Variants in GOLGA4 observed in about 807,000 individuals in gnomAD.
GOLGA4 encodes golgin subfamily A member 4.
A neutral mutation model predicts 265.9 loss-of-function variants in GOLGA4; 169 were observed. The ratio of observed to expected loss-of-function variants is 0.64; its 90% CI spans 0.56 to 0.72. The LOEUF (loss-of-function observed/expected upper bound fraction) is 0.72. Among genes scored for constraint, GOLGA4 ranks in the 30% least tolerant of loss-of-function variants. The pLI, the probability that GOLGA4 is intolerant of heterozygous loss-of-function variation, is 0.00. For synonymous variants in GOLGA4, 923 were observed against 855.8 expected (o/e 1.08, Z -1.37); for missense variants, 2,482 against 2,483.4 (o/e 1.00, Z 0.01).
chr3:37,316,819 ATAG>A (rs2096938939), intron 11 of GOLGA4, among the ~76,000 whole-genome samples: 1 of 151,322 alleles, frequency 6.6e-6, no homozygotes, highest in South Asian at 2.1e-4. Context: ...TCTTTTCCTT[ATAG>A]ATGGATTTAT....
At chr3:37,277,182 A>G (rs1161928691) in intron 2 of GOLGA4, among the ~76,000 whole-genome samples, 1 of 152,186 alleles carries the variant, frequency 6.6e-6, no homozygotes, top group Non-Finnish European at 1.5e-5. Flanking sequence ...TGCATCTGTA[A>G]CTAACCGTGA....
At chr3:37,283,158 A>C (rs1231221244) in intron 3 of GOLGA4, among the ~76,000 whole-genome samples, 1 of 152,196 alleles carries the variant, frequency 6.6e-6, no homozygotes, top group African/African-American at 2.4e-5. Context: ...ATTTTATCCT[A>C]CAACCAAAAA....
intron 10 of GOLGA4, among the ~76,000 whole-genome samples, chr3:37,304,687 T>C (rs1227102349): frequency 5.3e-5 from 8 of 152,302 alleles, no homozygotes; most frequent in Non-Finnish European, 1.0e-4. Flanking sequence ...TTAATAAATA[T>C]CAAGTTGAAA....
intron 16 of GOLGA4, among the ~76,000 whole-genome samples, chr3:37,330,304 A>C (rs1215168008): frequency 6.6e-6 from 1 of 152,126 alleles, no homozygotes; most frequent in African/African-American, 2.4e-5. Context: ...CATTAGCTTT[A>C]CACATTTTAT....
At position 37,326,151 on chromosome 3, in the gene GOLGA4, A is replaced by G. The variant is rs2096970081; in HGVS notation, c.4265A>G (p.Asp1422Gly). 6.2e-7 allele frequency: 1 copy of G among 1,613,568 alleles called. No individual in the cohort carries two copies. Among genetic ancestry groups the G allele is most frequent in the South Asian group, 1.1e-5 (1 of 91,016 alleles). Residue 1422 changes from aspartate (D) to glycine (G), a missense_variant, in exon 14 of 24, where the codon GAC (aspartate) becomes GGC (glycine). Coordinates refer to ENST00000361924, the MANE Select transcript of GOLGA4 (RefSeq NM_002078.5). ...DQVQDLSFKV[D>G]TLSKEKISAL... is the part of the protein sequence containing the mutation. The stretch of plus-strand genomic sequence containing the variant: ...GTGCAAGATTTATCTTTTAAAGTTG[A>G]CACTCTGAGTAAAGAGAAAATTTCT...
Position 37,326,914 on chromosome 3 carries a change from G to A in GOLGA4, c.5028G>A (p.Glu1676=). Residue 1676 remains glutamate, a synonymous_variant, in exon 14 of 24, where the codon GAG becomes GAA. Coordinates refer to ENST00000361924, the MANE Select transcript of GOLGA4 (RefSeq NM_002078.5). The part of the protein sequence containing the change: ...YKKGTESHLS[E]LNTKLQERER... The stretch of plus-strand genomic sequence containing the variant: ...AAGGTACAGAAAGCCATTTGAGTGA[G>A]CTAAATACAAAATTGCAGGAAAGAG... 1 of 1,613,804 alleles carries A rather than the reference G, an allele frequency of 6.2e-7. No individual in the cohort carries two copies. Among genetic ancestry groups the A allele is most frequent in the Non-Finnish European group, 8.5e-7 (1 of 1,179,736 alleles).
chr3:37,336,723 C>G (rs184777201), intron 17 of GOLGA4, among the ~76,000 whole-genome samples: 326 of 151,280 alleles, frequency 2.2e-3, no homozygotes, highest in African/African-American at 7.6e-3. Context: ...GAGCCGAGAT[C>G]GTGCCATTGC....
At position 37,326,978 on chromosome 3, in the gene GOLGA4, G is replaced by A; in HGVS notation, c.5092G>A (p.Val1698Met). The change falls in exon 14 of 24, where the codon GTG becomes ATG. Residue 1698 changes from valine (V) to methionine (M), a missense_variant. By Grantham distance (21) the Val-to-Met change is conservative. This residue lies in a region of GOLGA4 where 942 missense variants were observed against 983.1 expected (regional missense o/e 0.96). Transcript: ENST00000361924. The part of the protein sequence containing the change: ...VHILEEKLKS[V>M]ESSQSETLIV... ...CATCTTGGAAGAAAAACTTAAGTCA[G>A]TGGAAAGTTCACAGTCAGAAACATT... The A allele has an allele frequency of 6.2e-7, 1 of 1,613,862 alleles. No homozygotes were observed. The highest frequency in any genetic ancestry group is 8.5e-7 in the Non-Finnish European group (1 of 1,179,824).
chr3:37,262,680 A>G (rs1578396338), intron 2 of GOLGA4, among the ~76,000 whole-genome samples: 1 of 152,138 alleles, frequency 6.6e-6, no homozygotes. Context: ...AGGCAGGTGG[A>G]TTGCTAGAGC....
At chr3:37,255,276 C>G (rs1000902716) in intron 2 of GOLGA4, among the ~76,000 whole-genome samples, 1 of 152,108 alleles carries the variant, frequency 6.6e-6, no homozygotes, top group Non-Finnish European at 1.5e-5. Flanking sequence ...TTCTCCCTGC[C>G]TCAACCTCCC....
chr3:37,301,083 C>T (rs1042233948), intron 9 of GOLGA4, among the ~76,000 whole-genome samples: 6 of 152,168 alleles, frequency 3.9e-5, no homozygotes, highest in African/African-American at 1.4e-4. Context: ...CTGGAAGAGT[C>T]ATATTCTAAA....
intron 21 of GOLGA4, among the ~76,000 whole-genome samples, chr3:37,354,193 G>A (rs1326428208): frequency 6.6e-6 from 1 of 151,904 alleles, no homozygotes; most frequent in Non-Finnish European, 1.5e-5. Context: ...ACCTTCCCCA[G>A]ATCACTTCCA....
At chr3:37,258,210 CAT>C (rs1294124429) in intron 2 of GOLGA4, among the ~76,000 whole-genome samples, 9 of 141,100 alleles carry the variant, frequency 6.4e-5, no homozygotes, top group East Asian at 2.1e-4. Context: ...ATATATATAG[CAT>C]ATATATATGC....
intron 9 of GOLGA4, among the ~76,000 whole-genome samples, chr3:37,300,795 C>G (rs758393886): frequency 2.4e-4 from 37 of 152,018 alleles, no homozygotes; most frequent in Non-Finnish European, 5.0e-4. Flanking sequence ...TAAAATATGA[C>G]CTGCTATCTA....
chr3:37,243,902 C>T, intron 1 of GOLGA4: 1 of 472,548 alleles, frequency 2.1e-6, no homozygotes, highest in East Asian at 3.8e-5. Context: ...TCTCCTAAGG[C>T]CAGAGTCCGA....
chr3:37,337,602 A>G, intron 18 of GOLGA4, 64 bp from the exon 19 acceptor site: 1 of 1,086,762 alleles, frequency 9.2e-7, no homozygotes, highest in Non-Finnish European at 1.4e-6. Flanking sequence ...CAAGCAGTGC[A>G]GAAATGTGTC....
chr3:37,243,508 C>T lies in GOLGA4; in HGVS notation c.-43C>T, dbSNP rs756561057. On this transcript the variant is annotated 5_prime_UTR_variant, in exon 1 of 24. Transcript: ENST00000361924. ...GGCCGGGACTCCCCGGGCTCTCGCC[C>T]TTCAGGTTTCGTTGACACTCAGGAC... 14 of 1,583,996 alleles carry T rather than the reference C, an allele frequency of 8.8e-6. No homozygotes were observed. The highest frequency in any genetic ancestry group is 2.2e-5 in the East Asian group (1 of 44,736).
At position 37,299,331 on chromosome 3, in the gene GOLGA4, G is replaced by A. The variant is rs766902144; in HGVS notation, c.1046G>A (p.Arg349His). The A allele has an allele frequency of 1.5e-5, 25 of 1,613,242 alleles. No individual in the cohort carries two copies. The highest frequency in any genetic ancestry group is 2.2e-5 in the South Asian group (2 of 91,034). Residue 349 changes from arginine to histidine, a missense_variant, in exon 9 of 24, where the codon CGT becomes CAT. Coordinates refer to ENST00000361924, the MANE Select transcript of GOLGA4 (RefSeq NM_002078.5). ...AEKTKLITQLRDAKNLIEQLE... is the reference protein window; with the variant it reads ...AEKTKLITQLHDAKNLIEQLE... Reference sequence around the variant, plus strand: ...AAGACTAAACTTATCACTCAGTTGCGTGATGCAAAGAACTTAATTGAACAG... The same window carrying A: ...AAGACTAAACTTATCACTCAGTTGCATGATGCAAAGAACTTAATTGAACAG...
rs2096974479 is a variant in GOLGA4, at chr3:37,327,259, A to G, written c.5373A>G (p.Gln1791=). Residue 1791 remains glutamine, a synonymous_variant, in exon 14 of 24, where the codon CAA becomes CAG. Coordinates refer to ENST00000361924, the MANE Select transcript of GOLGA4 (RefSeq NM_002078.5). The stretch of plus-strand genomic sequence containing the variant: ...CTGAGGCAAAGCAACATGAAGATCA[A>G]AGTATGATAGGTCATCTTCAAGAGG... The part of the protein sequence containing the change: ...EHAEAKQHED[Q]SMIGHLQEEL... The G allele has an allele frequency of 6.2e-7, 1 of 1,613,762 alleles. No individual in the cohort carries two copies. The highest frequency in any genetic ancestry group is 8.5e-7 in the Non-Finnish European group (1 of 1,179,690).
Sources: allele counts gnomAD v4.1 joint callset (sites outside exome capture counted in the v4.1 genomes callset), GRCh38; gene constraint gnomAD v4.1.1; regional missense constraint gnomAD v4.1.1; transcripts MANE v1.5; gene names NCBI Gene and HGNC (gene_info 2026-07-23, HGNC 2026-07-21).